CSMD2: variants seen among roughly 807,000 people sequenced by gnomAD.
CSMD2 encodes the protein CUB and Sushi multiple domains 2.
CSMD2 carries 130 observed loss-of-function variants against 398.5 expected under a neutral mutation model. The observed-to-expected ratio is 0.33, with a 90% CI of 0.28 to 0.38. CSMD2 has a LOEUF of 0.38. Among genes scored for constraint, CSMD2 ranks in the 10% least tolerant of loss-of-function variants. The pLI, the probability that CSMD2 is intolerant of heterozygous loss-of-function variation, is 1.00. For missense variants in CSMD2, 3,829 were observed against 4,764.9 expected (o/e 0.80, Z 5.78); for synonymous variants, 1,828 against 1,908.5 (o/e 0.96, Z 1.10).
chr1:33,730,940 A>T (rs1162730325), intron 15 of CSMD2, among the ~76,000 whole-genome samples: 1 of 152,218 alleles, frequency 6.6e-6, no homozygotes, highest in African/African-American at 2.4e-5. Context: ...CCTAGTGCCC[A>T]AATTTTAAAT....
At chr1:33,879,844 TGA>T (rs1448785537) in intron 5 of CSMD2, among the ~76,000 whole-genome samples, 8 of 152,076 alleles carry the variant, frequency 5.3e-5, no homozygotes. Flanking sequence ...GTAGAGCAAA[TGA>T]GAGAACAAAT....
At chr1:33,871,307 T>C (rs893654652) in intron 5 of CSMD2, among the ~76,000 whole-genome samples, 1 of 152,150 alleles carries the variant, frequency 6.6e-6, no homozygotes, top group Non-Finnish European at 1.5e-5. Context: ...GTTAGAGAAA[T>C]CTTCAATTGC....
At chr1:33,672,787 C>A (rs1348411190) in intron 25 of CSMD2, among the ~76,000 whole-genome samples, 1 of 152,220 alleles carries the variant, frequency 6.6e-6, no homozygotes, top group African/African-American at 2.4e-5. Flanking sequence ...GATCAGGCAG[C>A]AGCATTTGCA....
chr1:33,745,956 G>T (rs1557831089), intron 13 of CSMD2, among the ~76,000 whole-genome samples: 2 of 152,096 alleles, frequency 1.3e-5, no homozygotes, highest in Non-Finnish European at 2.9e-5. Flanking sequence ...AGACACTGAG[G>T]CACACAGAGG....
At chr1:33,712,325 C>T (rs1318119692) in intron 21 of CSMD2, among the ~76,000 whole-genome samples, 2 of 152,082 alleles carry the variant, frequency 1.3e-5, no homozygotes, top group Non-Finnish European at 2.9e-5. Context: ...CACCTCCCTC[C>T]CCGCCACCCA....
At chr1:34,115,788 A>T (rs970776520) in intron 1 of CSMD2, among the ~76,000 whole-genome samples, 6 of 152,108 alleles carry the variant, frequency 3.9e-5, no homozygotes, top group Non-Finnish European at 7.4e-5. Context: ...TAAAAGGTGA[A>T]ATTCGTGATA....
intron 25 of CSMD2, among the ~76,000 whole-genome samples, chr1:33,687,256 C>T (rs1156315959): frequency 6.6e-6 from 1 of 152,172 alleles, no homozygotes; most frequent in Non-Finnish European, 1.5e-5. Flanking sequence ...CAGGGAAAAA[C>T]TGACAACCAT....
chr1:34,137,934 T>C (rs1638917187), intron 1 of CSMD2, among the ~76,000 whole-genome samples: 1 of 152,198 alleles, frequency 6.6e-6, no homozygotes, highest in African/African-American at 2.4e-5. Flanking sequence ...CCAGTCTGAC[T>C]CTAAAGCTTC....
rs562771156 is a variant in CSMD2, at chr1:34,004,461, T to A, written c.517+28133A>T. The stretch of plus-strand genomic sequence containing the variant: ...CAGCTTTACCTAGTAATCAAGGTTT[T>A]TTTTTGTTTGTTTGTTTTTGTTTTT... On this transcript the variant is annotated intron_variant, in intron 3 of 70. Transcript: ENST00000373381. Among the ~76,000 whole-genome samples, 340 of 152,290 alleles carry A rather than the reference T, an allele frequency of 2.2e-3. 1 individual carries two copies. The highest frequency in any genetic ancestry group is 0.01 in the Middle Eastern group (3 of 294).
chr1:34,152,619 T>C (rs1230748468), intron 1 of CSMD2, among the ~76,000 whole-genome samples: 1 of 152,194 alleles, frequency 6.6e-6, no homozygotes, highest in African/African-American at 2.4e-5. Context: ...CTCACTCCTG[T>C]TGATCCTGCA....
intron 5 of CSMD2, among the ~76,000 whole-genome samples, chr1:33,871,461 G>A (rs1175857245): frequency 2.6e-5 from 4 of 152,112 alleles, no homozygotes; most frequent in East Asian, 1.9e-4. Flanking sequence ...TCTAAAGCTG[G>A]GTAATTTGTA....
intron 3 of CSMD2, among the ~76,000 whole-genome samples, chr1:33,943,591 G>A (rs1644745755): frequency 6.6e-6 from 1 of 152,124 alleles, no homozygotes; most frequent in Non-Finnish European, 1.5e-5. Context: ...TTACATGATT[G>A]GGTTTTTTTG....
At chr1:33,903,324 G>A (rs952276240) in intron 5 of CSMD2, among the ~76,000 whole-genome samples, 105 of 145,560 alleles carry the variant, frequency 7.2e-4, no homozygotes, top group Non-Finnish European at 1.3e-3. Flanking sequence ...TTCTGTTGTC[G>A]ACTGCTGAGC....
Position 33,825,573 on chromosome 1 carries a change from G to A in CSMD2, c.1111+124C>T, listed in dbSNP as rs116247211. 7.2e-4 allele frequency: 631 copies of A among 873,140 alleles called. 2 individuals are homozygous for A. The African/African-American group carries it at 9.3e-3, about 13-fold the overall frequency. The allele number at this position is 873,140 out of a possible 1,614,324, so 54.1% of individuals were successfully genotyped here. A position where few individuals can be genotyped will look rare whatever the true frequency, so the allele number is the denominator to read the frequency against. ...TCAGTGTGTCCAAGCGCAGAGCCCA[G>A]GATGGAGGAAGCAGGGTTGAAGGAA... On this transcript the variant is annotated intron_variant, in intron 7 of 70. Coordinates refer to ENST00000373381, the MANE Select transcript of CSMD2 (RefSeq NM_001281956.2).
At chr1:34,117,898 C>G (rs372270808) in intron 1 of CSMD2, among the ~76,000 whole-genome samples, 8 of 152,238 alleles carry the variant, frequency 5.3e-5, no homozygotes, top group African/African-American at 1.7e-4. Flanking sequence ...AAAAATTCAG[C>G]ACCCTTTCAT....
chr1:33,888,341 C>A (rs1641738409), intron 5 of CSMD2, among the ~76,000 whole-genome samples: 1 of 152,090 alleles, frequency 6.6e-6, no homozygotes, highest in East Asian at 1.9e-4. Context: ...TGAAGGAGGT[C>A]TTTTCTGGGT....
At chr1:33,581,617 C>A (rs1456029705) in intron 47 of CSMD2, among the ~76,000 whole-genome samples, 1 of 146,724 alleles carries the variant, frequency 6.8e-6, no homozygotes, top group African/African-American at 2.5e-5. Flanking sequence ...GAATACATAG[C>A]AATAAAGCTA....
chr1:34,101,666 T>G (rs1344624754), intron 1 of CSMD2, among the ~76,000 whole-genome samples: 1 of 152,206 alleles, frequency 6.6e-6, no homozygotes, highest in South Asian at 2.1e-4. Flanking sequence ...TAATTTTAAT[T>G]TCTTCTTTTT....
intron 10 of CSMD2, among the ~76,000 whole-genome samples, chr1:33,802,229 A>G (rs1194997915): frequency 6.6e-6 from 1 of 152,196 alleles, no homozygotes; most frequent in African/African-American, 2.4e-5. Flanking sequence ...GTAGGCCTGC[A>G]TCACTTGCTC....
Sources: gnomAD v4.1 joint callset for allele counts (sites outside exome capture counted in the v4.1 genomes callset) on GRCh38, gnomAD v4.1.1 for gene constraint, MANE v1.5 for transcripts, NCBI Gene and HGNC (gene_info 2026-07-23, HGNC 2026-07-21) for gene names.